The following LMX1A variants were observed in gnomAD, a reference collection of about 807,000 sequenced individuals.
LMX1A encodes the protein LIM homeobox transcription factor 1-alpha.
Under a neutral mutation model 49.1 loss-of-function variants are expected in LMX1A, and 15 were observed. The ratio of observed to expected loss-of-function variants is 0.31; its 90% confidence interval spans 0.20 to 0.47. LMX1A has a LOEUF of 0.47. Ranked by LOEUF, LMX1A falls within the 20% of genes least tolerant of loss-of-function variation. The probability of loss-of-function intolerance (pLI) is 1.00; values close to 1 mark genes in which losing one functional copy is unlikely to be tolerated. For missense variants in LMX1A, 372 were observed against 475.8 expected (o/e 0.78, Z 2.03); for synonymous variants, 167 against 185.7 (o/e 0.90, Z 0.82).
At chr1:165,266,967 C>T (rs543149110) in intron 3 of LMX1A, among the ~76,000 whole-genome samples, 5 of 152,088 alleles carry the variant, frequency 3.3e-5, no homozygotes, top group African/African-American at 1.2e-4. Context: ...TTCTCTCTCT[C>T]TCTTTCTTTC....
intron 3 of LMX1A, among the ~76,000 whole-genome samples, chr1:165,352,194 A>C (rs1190448351): frequency 6.6e-6 from 1 of 152,148 alleles, no homozygotes; most frequent in Admixed American, 6.5e-5. Flanking sequence ...AAGTTCTTCT[A>C]CCTCCCACTT....
At chr1:165,356,319 C>T (rs961126031) in intron 1 of LMX1A, 36 bp downstream of exon 1, 1 of 152,458 alleles carries the variant, frequency 6.6e-6, no homozygotes, top group African/African-American at 2.4e-5. Context: ...ACACGCCCGC[C>T]CGAGCCACAG....
At chr1:165,300,202 C>T (rs967984878) in intron 3 of LMX1A, among the ~76,000 whole-genome samples, 2 of 152,208 alleles carry the variant, frequency 1.3e-5, no homozygotes, top group Admixed American at 1.3e-4. Flanking sequence ...GGAGCATTCA[C>T]CAAATCATTT....
chr1:165,342,505 TG>T (rs1053354706), intron 3 of LMX1A, among the ~76,000 whole-genome samples: 1 of 151,698 alleles, frequency 6.6e-6, no homozygotes, highest in African/African-American at 2.4e-5. Flanking sequence ...TTCTGGGGGC[TG>T]GGGGGAAGAA....
At chr1:165,247,054 C>CTTTTTTTTGTTTTTTTTTTTTT (rs1652876362) in intron 4 of LMX1A, among the ~76,000 whole-genome samples, 1 of 53,228 alleles carries the variant, frequency 1.9e-5, no homozygotes, top group Non-Finnish European at 3.3e-5. Flanking sequence ...TCAGCTTTTT[C>CTTTTTTTTGTTTTTTTTTTTTT]TTTTTTTTTT....
At chr1:165,256,186 T>C (rs1057256390) in intron 3 of LMX1A, among the ~76,000 whole-genome samples, 3 of 152,098 alleles carry the variant, frequency 2.0e-5, no homozygotes, top group Admixed American at 2.0e-4. Context: ...CCAAATCGGA[T>C]CGAAGCAGTA....
In LMX1A at chr1:165,356,522, C is replaced by T. The variant is rs912612744; in HGVS notation, c.-190G>A. 4 of 152,136 alleles carry T rather than the reference C, an allele frequency of 2.6e-5. No homozygotes were observed. Among genetic ancestry groups the T allele is most frequent in the Admixed American group, 2.6e-4 (4 of 15,288 alleles). The allele number at this position is 152,136 out of a possible 1,614,324, so 9.4% of individuals were successfully genotyped here. On this transcript the variant is annotated 5_prime_UTR_variant, in exon 1 of 9. Transcript: ENST00000342310. ...GAGCGAACGCCGGCCGCTGGCTCTG[C>T]TCCTCGGCGCGCCCAGGCTGGGCCG...
At chr1:165,334,160 G>C (rs1177180838) in intron 3 of LMX1A, among the ~76,000 whole-genome samples, 2 of 152,174 alleles carry the variant, frequency 1.3e-5, no homozygotes, top group Non-Finnish European at 2.9e-5. Flanking sequence ...GATTGAGTTA[G>C]TATGAGTCAT....
intron 4 of LMX1A, 131 bp from the exon 5 acceptor site, chr1:165,213,944 G>A (rs1400735596): frequency 2.6e-6 from 2 of 760,482 alleles, no homozygotes; most frequent in Non-Finnish European, 4.3e-6. Flanking sequence ...AATCTATGTG[G>A]TATTGCTTTG....
chr1:165,274,399 G>C lies in LMX1A; in HGVS notation c.264-24759C>G, dbSNP rs143276530. Among the ~76,000 whole-genome samples, 3 of 152,272 alleles carry C rather than the reference G, an allele frequency of 2.0e-5. No individual in the cohort carries two copies. The East Asian group carries it at 5.8e-4, about 29-fold the overall frequency. ...TTCATTTTTGCACCCTCAGAACATA[G>C]TATACTACTTAGCATACAGTAGGTA... On this transcript the variant is annotated intron_variant, in intron 3 of 8. Transcript: ENST00000342310.
chr1:165,259,946 T>C (rs1317950364), intron 3 of LMX1A, among the ~76,000 whole-genome samples: 2 of 152,168 alleles, frequency 1.3e-5, no homozygotes, highest in African/African-American at 2.4e-5. Context: ...AAAGTATCTA[T>C]GAGTCAAGCC....
intron 3 of LMX1A, among the ~76,000 whole-genome samples, chr1:165,287,562 G>A (rs761955360): frequency 7.9e-5 from 12 of 151,960 alleles, no homozygotes; most frequent in Non-Finnish European, 1.6e-4. Context: ...GGTGAAGGTG[G>A]GTCCCTCTGC....
chr1:165,212,014 G>A lies in LMX1A; in HGVS notation c.670-1238C>T, dbSNP rs1651420628. ...GTATACATGGAAGAAGTAAATAAGT[G>A]AGGAAGACTGTAATTTGTCCTAGTG... On this transcript the variant is annotated intron_variant, in intron 5 of 8. Coordinates refer to ENST00000342310, the MANE Select transcript of LMX1A (RefSeq NM_177398.4). 2.6e-5 allele frequency among the ~76,000 whole-genome samples: 4 copies of A among 152,346 alleles called. No homozygotes were observed. In the East Asian group the frequency reaches 7.7e-4, roughly 29 times the overall value.
At chr1:165,335,202 G>A (rs1655862925) in intron 3 of LMX1A, among the ~76,000 whole-genome samples, 1 of 152,142 alleles carries the variant, frequency 6.6e-6, no homozygotes, top group Non-Finnish European at 1.5e-5. Context: ...ACTGCCCACA[G>A]TTTTGCATGG....
intron 4 of LMX1A, among the ~76,000 whole-genome samples, chr1:165,242,249 C>G (rs1356848457): frequency 1.3e-5 from 2 of 152,136 alleles, no homozygotes; most frequent in East Asian, 3.9e-4. Context: ...TAAACGGAGG[C>G]TATGGAACTG....
intron 3 of LMX1A, among the ~76,000 whole-genome samples, chr1:165,290,733 T>C (rs1443966592): frequency 6.6e-6 from 1 of 152,218 alleles, no homozygotes; most frequent in Non-Finnish European, 1.5e-5. Flanking sequence ...CTCTCAGATT[T>C]GGACAAGACA....
chr1:165,352,109 C>T (rs1242653778), intron 3 of LMX1A, among the ~76,000 whole-genome samples: 2 of 152,256 alleles, frequency 1.3e-5, no homozygotes, highest in Non-Finnish European at 2.9e-5. Context: ...ATTAATTAAA[C>T]ATTTCGCAAG....
intron 3 of LMX1A, among the ~76,000 whole-genome samples, chr1:165,323,463 G>A (rs1184719839): frequency 1.3e-5 from 2 of 152,092 alleles, no homozygotes; most frequent in African/African-American, 2.4e-5. Flanking sequence ...TTTTAAAATA[G>A]AAAGCTTATA....
At chr1:165,227,458 C>A (rs1433898531) in intron 4 of LMX1A, among the ~76,000 whole-genome samples, 1 of 152,130 alleles carries the variant, frequency 6.6e-6, no homozygotes, top group African/African-American at 2.4e-5. Flanking sequence ...AGAGAATCAC[C>A]TGAACCCAGG....
Sources: allele counts gnomAD v4.1 joint callset (sites outside exome capture counted in the v4.1 genomes callset), GRCh38; gene constraint gnomAD v4.1.1; transcripts MANE v1.5; gene names NCBI Gene and HGNC (gene_info 2026-07-23, HGNC 2026-07-21).